Variants in SYT11 observed in about 807,000 individuals in gnomAD.
SYT11 encodes synaptotagmin-11.
Under a neutral mutation model 30.4 loss-of-function variants are expected in SYT11, and 12 were observed. That is an observed-to-expected ratio of 0.39 (90% CI 0.25 to 0.64). The LOEUF (loss-of-function observed/expected upper bound fraction) is 0.64, where lower values mean the gene tolerates loss of function less well. SYT11 is among the 30% of genes least tolerant of loss of function. SYT11 has a pLI of 0.45. For missense variants in SYT11, 412 were observed against 552.0 expected, an observed-to-expected ratio of 0.75 and a Z score of 2.54; for synonymous variants, 204 against 216.0, an observed-to-expected ratio of 0.94 and a Z score of 0.49.
At chr1:155,869,099 A>G (rs1278435343) in intron 2 of SYT11, among the ~76,000 whole-genome samples, 4 of 152,082 alleles carry the variant, frequency 2.6e-5, no homozygotes, top group African/African-American at 9.7e-5. Context: ...ATCCTTCATT[A>G]TATCAGGGAT....
chr1:155,859,872 A>T, intron 1 of SYT11, 77 bp downstream of exon 1: 2 of 1,389,480 alleles, frequency 1.4e-6, no homozygotes. Flanking sequence ...GGCAGGGCAG[A>T]GAATGCAGCC....
In SYT11 at chr1:155,866,397, G is replaced by A. The variant is rs912332907; in HGVS notation, c.35-1568G>A. Among the ~76,000 whole-genome samples, 6 of 152,168 alleles carry A rather than the reference G, an allele frequency of 3.9e-5. No individual in the cohort carries two copies. In the East Asian group the frequency reaches 9.6e-4, roughly 24 times the overall value. On this transcript the variant is annotated intron_variant, in intron 1 of 3. Coordinates refer to ENST00000368324, the MANE Select transcript of SYT11 (RefSeq NM_152280.5). ...CTCCCAAAGTGCTGGGATAACAGGC[G>A]TGAGCCGCCACACCCGGCCTATTTC...
intron 2 of SYT11, among the ~76,000 whole-genome samples, chr1:155,871,929 G>A (rs1672786499): frequency 6.6e-6 from 1 of 152,038 alleles, no homozygotes; most frequent in African/African-American, 2.4e-5. Context: ...AGCAAAGTAG[G>A]ATCTCTCCTT....
intron 1 of SYT11, among the ~76,000 whole-genome samples, chr1:155,861,299 C>T (rs1672585063): frequency 6.6e-6 from 1 of 152,212 alleles, no homozygotes; most frequent in Non-Finnish European, 1.5e-5. Flanking sequence ...TTCATGATCA[C>T]ATGAGCAATC....
At chr1:155,867,757 G>T (rs1157784579) in intron 1 of SYT11, among the ~76,000 whole-genome samples, 1 of 152,224 alleles carries the variant, frequency 6.6e-6, no homozygotes, top group Non-Finnish European at 1.5e-5. Context: ...TCTATAGAAG[G>T]CTGGGAGGAA....
intron 2 of SYT11, 131 bp from the exon 3 acceptor site, chr1:155,880,369 G>A (rs745318658): frequency 4.4e-5 from 44 of 994,290 alleles, no homozygotes; most frequent in Admixed American, 1.2e-4. Context: ...TCCAGGGGAT[G>A]AGCATCTTTC....
rs148825060 is a variant in SYT11 at position 155,868,440 on chromosome 1, G to A, written c.510G>A (p.Pro170=). ...SLTFSVDYNF[P]KKALVVTIQE... ...CCTTCTCAGTGGACTATAACTTCCC[G>A]AAAAAAGCCCTGGTGGTGACAATCC... The change falls in exon 2 of 4, where the codon CCG becomes CCA. Residue 170 remains proline (P), a synonymous_variant. Coordinates refer to ENST00000368324, the MANE Select transcript of SYT11 (RefSeq NM_152280.5). The surrounding 1 kb of genome is among the most constrained non-coding windows in gnomAD (Gnocchi z 4.7). 4.0e-5 allele frequency: 65 copies of A among 1,613,746 alleles called. No homozygotes were observed. The African/African-American group carries it at 5.1e-4, about 13-fold the overall frequency.
intron 1 of SYT11, among the ~76,000 whole-genome samples, chr1:155,862,192 G>A (rs1672603802): frequency 6.6e-6 from 1 of 152,164 alleles, no homozygotes; most frequent in South Asian, 2.1e-4. Flanking sequence ...GCACTTGGGT[G>A]ATACACCAAG....
chr1:155,876,550 C>T (rs995748083), intron 2 of SYT11, among the ~76,000 whole-genome samples: 1 of 151,208 alleles, frequency 6.6e-6, no homozygotes, highest in African/African-American at 2.4e-5. Flanking sequence ...CCGGCCAAAA[C>T]TCACCTCCTT....
chr1:155,863,878 GC>G (rs893805630), intron 1 of SYT11, among the ~76,000 whole-genome samples: 2 of 150,966 alleles, frequency 1.3e-5, no homozygotes, highest in Admixed American at 6.6e-5. Context: ...CCGAGATCGC[GC>G]CATTGCACTC....
chr1:155,884,641 GT>G lies in SYT11; in HGVS notation c.*3134del, dbSNP rs1673040472. 1 of 152,792 alleles carries G rather than the reference GT, an allele frequency of 6.5e-6. No individual in the cohort carries two copies. The highest frequency in any genetic ancestry group is 6.5e-5 in the Admixed American group (1 of 15,278). 9.5% of individuals were successfully genotyped at this position (152,792 alleles called of 1,614,324 possible). ...ATCTTAGCTTTTGCACAAGGCATTC[GT>G]GGTCAGGAATAGGTTAGGGAATGGT... On this transcript the variant is annotated 3_prime_UTR_variant, in exon 4 of 4. Transcript: ENST00000368324.
intron 2 of SYT11, among the ~76,000 whole-genome samples, chr1:155,876,235 CTTTTTTTTTTTTTTT>C (rs67952920): frequency 1.0e-5 from 1 of 96,118 alleles, no homozygotes; most frequent in Non-Finnish European, 1.9e-5. Flanking sequence ...ACTCACCTCC[CTTTTTTTTTTTTTTT>C]TTTTTTTTCT....
rs1323806709 is a variant in SYT11 at position 155,859,734 on chromosome 1, C to T, written c.-28C>T. On this transcript the variant is annotated 5_prime_UTR_variant, in exon 1 of 4. The change creates a new upstream start codon in the 5' untranslated region. Transcript: ENST00000368324. ...CAGAGCTGTCTCACCATTGCAAAAA[C>T]GTTATAGCAACAGCCTCTGATTACG... 2 of 1,613,408 alleles carry T rather than the reference C, an allele frequency of 1.2e-6. No homozygotes were observed. The highest frequency in any genetic ancestry group is 1.7e-6 in the Non-Finnish European group (2 of 1,179,318).
At chr1:155,862,552 A>G (rs1037496450) in intron 1 of SYT11, among the ~76,000 whole-genome samples, 4 of 152,192 alleles carry the variant, frequency 2.6e-5, no homozygotes, top group Non-Finnish European at 5.9e-5. Context: ...AGAATTCTTC[A>G]TCTTCTCTCT....
rs772653363 is a variant in SYT11 at position 155,883,752 on chromosome 1, G to C, written c.*2244G>C. The C allele has an allele frequency of 2.0e-5, 3 of 151,782 alleles. No homozygotes were observed. The East Asian group carries it at 5.7e-4, about 29-fold the overall frequency. The allele number at this position is 151,782 out of a possible 1,614,324, so 9.4% of individuals were successfully genotyped here. A position where few individuals can be genotyped will look rare whatever the true frequency, so the allele number is the denominator to read the frequency against. ...GTCGGAAAGCTGAGTCTCTATGGACGGGGGGGTGATCTTGCTTTCAGTGTT... is the reference window on the plus strand; with the variant it reads ...GTCGGAAAGCTGAGTCTCTATGGACCGGGGGGTGATCTTGCTTTCAGTGTT... On this transcript the variant is annotated 3_prime_UTR_variant, in exon 4 of 4. Coordinates refer to ENST00000368324, the MANE Select transcript of SYT11 (RefSeq NM_152280.5).
At chr1:155,872,763 G>A (rs1056765590) in intron 2 of SYT11, among the ~76,000 whole-genome samples, 5 of 152,130 alleles carry the variant, frequency 3.3e-5, no homozygotes, top group Admixed American at 2.6e-4. Flanking sequence ...GGAGCTTGAG[G>A]GAATGACATT....
chr1:155,881,599 A>C lies in SYT11; in HGVS notation c.*91A>C. The C allele has an allele frequency of 1.2e-5, 15 of 1,264,914 alleles. No homozygotes were observed. The highest frequency in any genetic ancestry group is 1.5e-5 in the South Asian group (1 of 64,918). The allele number at this position is 1,264,914 out of a possible 1,614,324, so 78.4% of individuals were successfully genotyped here. Reference sequence around the variant, plus strand: ...GACAGAGAAGTGGACTCCAAACCTCATTTTAGTTGTAGAAGAAAATTTCTT... The same window carrying C: ...GACAGAGAAGTGGACTCCAAACCTCCTTTTAGTTGTAGAAGAAAATTTCTT... On this transcript the variant is annotated 3_prime_UTR_variant, in exon 4 of 4. Coordinates refer to ENST00000368324, the MANE Select transcript of SYT11 (RefSeq NM_152280.5).
intron 2 of SYT11, among the ~76,000 whole-genome samples, chr1:155,875,815 A>G (rs1672851047): frequency 6.6e-6 from 1 of 152,194 alleles, no homozygotes; most frequent in Admixed American, 6.5e-5. Flanking sequence ...ATTCCTGGAG[A>G]TGACTTAAGG....
chr1:155,868,880 G>C lies in SYT11; in HGVS notation c.861+89G>C. 2.3e-6 allele frequency: 3 copies of C among 1,308,174 alleles called. No homozygotes were observed. The highest frequency in any genetic ancestry group is 3.1e-6 in the Non-Finnish European group (3 of 954,108). The allele number at this position is 1,308,174 out of a possible 1,614,324, so 81.0% of individuals were successfully genotyped here. ...AATGGAAGTGGGAGGGGAGTGGGTT[G>C]GGTGGCAAAGAAGGGCTGTAGAGAG... On this transcript the variant is annotated intron_variant, in intron 2 of 3. Transcript: ENST00000368324. This position sits in a 1 kb window ranked among gnomAD's most constrained non-coding sequence, Gnocchi z 4.7.
Sources: allele counts gnomAD v4.1 joint callset (sites outside exome capture counted in the v4.1 genomes callset), GRCh38; gene constraint gnomAD v4.1.1; non-coding constraint Gnocchi (gnomAD v3.1); transcripts MANE v1.5; gene names NCBI Gene and HGNC (gene_info 2026-07-23, HGNC 2026-07-21).